Variants in PDE11A observed in about 807,000 individuals in gnomAD.
The protein encoded by PDE11A is dual 3',5'-cyclic-AMP and -GMP phosphodiesterase 11A.
In PDE11A, 100 loss-of-function variants were observed where a neutral mutation model predicts 100.5. The observed-to-expected ratio is 1.00, with a 90% CI of 0.85 to 1.18. PDE11A has a LOEUF of 1.18. Ranked by LOEUF, PDE11A falls within the 50% of genes most tolerant of loss-of-function variation. The pLI is 0.00. For missense variants in PDE11A, 1,141 were observed against 1,152.6 expected (o/e 0.99, Z 0.15); for synonymous variants, 381 against 420.8 (o/e 0.91, Z 1.16).
chr2:177,764,493 G>C (rs1365401789), intron 10 of PDE11A, among the ~76,000 whole-genome samples: 1 of 152,142 alleles, frequency 6.6e-6, no homozygotes. Context: ...TCTGTCCACC[G>C]CATTGCAATT....
chr2:177,687,125 G>A (rs914122842), intron 15 of PDE11A: 9 of 152,090 alleles, frequency 5.9e-5, no homozygotes, highest in African/African-American at 2.2e-4. Context: ...TGATGATATG[G>A]CAAGATCATG....
At chr2:177,853,714 T>TGTGTGTGTGTGTTTG (rs1558974124) in intron 5 of PDE11A, among the ~76,000 whole-genome samples, 52 of 16,196 alleles carry the variant, frequency 3.2e-3, no homozygotes, top group South Asian at 6.7e-3. Context: ...GTGTGTGTGT[T>TGTGTGTGTGTGTTTG]TGTGTGTGTG....
At chr2:177,644,307 A>G (rs543198124) in intron 19 of PDE11A, among the ~76,000 whole-genome samples, 1 of 152,372 alleles carries the variant, frequency 6.6e-6, no homozygotes, top group African/African-American at 2.4e-5. Flanking sequence ...GACCACAGGA[A>G]CCTACCTCTT....
chr2:178,040,061 CTTTTTTTTTTT>C (rs5836641), intron 1 of PDE11A, among the ~76,000 whole-genome samples: 14 of 109,732 alleles, frequency 1.3e-4, no homozygotes, highest in Non-Finnish European at 2.3e-4. Context: ...AATGTAGTGG[CTTTTTTTTTTT>C]TTTTTTTTTG....
intron 2 of PDE11A, among the ~76,000 whole-genome samples, chr2:177,984,794 A>C (rs2085922482): frequency 6.6e-6 from 1 of 152,228 alleles, no homozygotes; most frequent in Admixed American, 6.5e-5. Flanking sequence ...AAGTACTACT[A>C]CACACTACTA....
At chr2:178,037,085 A>G (rs2086623792) in intron 1 of PDE11A, among the ~76,000 whole-genome samples, 1 of 152,250 alleles carries the variant, frequency 6.6e-6, no homozygotes, top group African/African-American at 2.4e-5. Flanking sequence ...GTGAACAGGC[A>G]ACCTACAGAA....
intron 6 of PDE11A, among the ~76,000 whole-genome samples, chr2:177,830,332 G>A (rs2083288901): frequency 6.6e-6 from 1 of 152,132 alleles, no homozygotes; most frequent in Admixed American, 6.6e-5. Context: ...GGGCGCGGTA[G>A]CTCACGCCTG....
rs143683338 is a variant in PDE11A, at chr2:177,755,578, G to A, written c.1788+13745C>T. On this transcript the variant is annotated intron_variant, in intron 10 of 19. Coordinates refer to ENST00000286063, the MANE Select transcript of PDE11A (RefSeq NM_016953.4). ...TGCTGCGACCCCATGTTTCCACCTG[G>A]ATTTGATTTTTCCAACTGACACACT... Among the ~76,000 whole-genome samples, 278 of 152,246 alleles carry A rather than the reference G, an allele frequency of 1.8e-3. 1 individual carries two copies. Among genetic ancestry groups the A allele is most frequent in the Middle Eastern group, 0.01 (3 of 294 alleles).
intron 12 of PDE11A, among the ~76,000 whole-genome samples, chr2:177,725,665 G>A (rs2081589969): frequency 1.3e-5 from 2 of 152,226 alleles, no homozygotes; most frequent in African/African-American, 4.8e-5. Context: ...CCCCATTGTG[G>A]TGACATAGTT....
chr2:177,995,617 C>A (rs1379757343), intron 2 of PDE11A, among the ~76,000 whole-genome samples: 1 of 150,432 alleles, frequency 6.6e-6, no homozygotes, highest in African/African-American at 2.4e-5. Flanking sequence ...ACTAAAAATG[C>A]CCATGACATT....
At chr2:177,710,921 C>T (rs902009053) in intron 13 of PDE11A, among the ~76,000 whole-genome samples, 3 of 152,198 alleles carry the variant, frequency 2.0e-5, no homozygotes, top group African/African-American at 7.2e-5. Flanking sequence ...GTTAATCTTA[C>T]CTCTTCGTTG....
chr2:177,790,398 T>C (rs1026831823), intron 9 of PDE11A, among the ~76,000 whole-genome samples: 5 of 151,534 alleles, frequency 3.3e-5, no homozygotes, highest in Non-Finnish European at 5.9e-5. Context: ...TCAAGATGGA[T>C]TAAAGACTTA....
chr2:178,041,552 T>C (rs1257770060), intron 1 of PDE11A, among the ~76,000 whole-genome samples: 3 of 152,152 alleles, frequency 2.0e-5, no homozygotes, highest in African/African-American at 7.2e-5. Context: ...AAAATTCTTT[T>C]AAGAACCACG....
At chr2:177,938,537 C>A (rs1472456074) in intron 2 of PDE11A, among the ~76,000 whole-genome samples, 1 of 152,138 alleles carries the variant, frequency 6.6e-6, no homozygotes, top group African/African-American at 2.4e-5. Context: ...ATTGACCTGG[C>A]TGGAACTGCA....
In PDE11A at chr2:177,920,348, C is replaced by G. The variant is rs537650274; in HGVS notation, c.1072-15161G>C. ...GAAAAAATCAGAAAAAAAAATACCT[C>G]AAAAATGGTCAAAAGATATAAACAG... On this transcript the variant is annotated intron_variant, in intron 2 of 19. Transcript: ENST00000286063. Among the ~76,000 whole-genome samples, 6 of 151,694 alleles carry G rather than the reference C, an allele frequency of 4.0e-5. No homozygotes were observed. The South Asian group carries it at 1.0e-3, about 26-fold the overall frequency.
At chr2:177,815,707 A>G (rs900618743) in intron 9 of PDE11A, among the ~76,000 whole-genome samples, 5 of 152,208 alleles carry the variant, frequency 3.3e-5, no homozygotes, top group Non-Finnish European at 4.4e-5. Flanking sequence ...TAGATAGATA[A>G]CTATAATTTT....
At chr2:177,935,184 C>T (rs909532473) in intron 2 of PDE11A, among the ~76,000 whole-genome samples, 1 of 152,150 alleles carries the variant, frequency 6.6e-6, no homozygotes, top group African/African-American at 2.4e-5. Flanking sequence ...TCTACATAGA[C>T]TTGTTCTGGT....
chr2:178,080,032 T>G (rs926000817), intron 2 of PDE11A, among the ~76,000 whole-genome samples: 2 of 152,204 alleles, frequency 1.3e-5, no homozygotes, highest in Non-Finnish European at 2.9e-5. Context: ...CCTTGTAGAC[T>G]CTGGATATTA....
At chr2:177,904,892 A>G (rs1574267078) in intron 3 of PDE11A, among the ~76,000 whole-genome samples, 1 of 152,232 alleles carries the variant, frequency 6.6e-6, no homozygotes. Flanking sequence ...CCTTCCCCCA[A>G]ATAACAACAG....
Sources: allele counts gnomAD v4.1 joint callset (sites outside exome capture counted in the v4.1 genomes callset), GRCh38; gene constraint gnomAD v4.1.1; transcripts MANE v1.5; gene names NCBI Gene and HGNC (gene_info 2026-07-23, HGNC 2026-07-21).